The following PPTC7 variants were observed in gnomAD, a reference collection of about 807,000 sequenced individuals.
PPTC7 encodes the protein protein phosphatase PTC7 homolog.
In PPTC7, 6 loss-of-function variants were observed where a neutral mutation model predicts 30.8. That is an observed-to-expected ratio of 0.19 (90% CI 0.11 to 0.38). PPTC7 has a LOEUF of 0.38. Among genes scored for constraint, PPTC7 ranks in the 10% least tolerant of loss-of-function variants. The pLI is 1.00. For synonymous variants in PPTC7, 163 were observed against 168.1 expected (o/e 0.97, Z 0.23); for missense variants, 218 against 404.8 (o/e 0.54, Z 3.96).
chr12:110,579,042 G>C (rs912816611), intron 1 of PPTC7, among the ~76,000 whole-genome samples: 1 of 152,080 alleles, frequency 6.6e-6, no homozygotes, highest in Non-Finnish European at 1.5e-5. Context: ...CCAGCTACTC[G>C]GAAGGCTGAG....
At chr12:110,540,589 T>C (rs1382503531) in intron 3 of PPTC7, among the ~76,000 whole-genome samples, 2 of 151,838 alleles carry the variant, frequency 1.3e-5, no homozygotes, top group East Asian at 3.9e-4. Flanking sequence ...TGACCTCAGG[T>C]GATCCGCCTG....
chr12:110,551,557 G>A (rs1483339312), intron 2 of PPTC7, among the ~76,000 whole-genome samples: 1 of 152,102 alleles, frequency 6.6e-6, no homozygotes, highest in East Asian at 1.9e-4. Context: ...ATGTTGGTCA[G>A]GCTGGTCTCG....
At position 110,536,078 on chromosome 12, in the gene PPTC7, A is replaced by G. The variant is rs999374201; in HGVS notation, c.*959T>C. 1 of 152,246 alleles carries G rather than the reference A, an allele frequency of 6.6e-6. No homozygotes were observed. Among genetic ancestry groups the G allele is most frequent in the Non-Finnish European group, 1.5e-5 (1 of 68,058 alleles). 9.4% of individuals were successfully genotyped at this position (152,246 alleles called of 1,614,324 possible). ...TAATAAAAGGTCTGAGAGTACGAGT[A>G]TGGGTAGGTAGCATGACCACTGAAA... On this transcript the variant is annotated 3_prime_UTR_variant, in exon 6 of 6. Transcript: ENST00000354300.
chr12:110,566,295 A>G (rs2064482543), intron 1 of PPTC7, among the ~76,000 whole-genome samples: 1 of 152,240 alleles, frequency 6.6e-6, no homozygotes, highest in African/African-American at 2.4e-5. Flanking sequence ...ATAACTAAGT[A>G]GAAGTCACAA....
At chr12:110,567,910 C>T (rs1281335201) in intron 1 of PPTC7, among the ~76,000 whole-genome samples, 2 of 152,138 alleles carry the variant, frequency 1.3e-5, no homozygotes, top group African/African-American at 2.4e-5. Context: ...GAATTCTGAA[C>T]ACCTTTTAAA....
chr12:110,573,929 C>T (rs960271507), intron 1 of PPTC7, among the ~76,000 whole-genome samples: 2 of 151,338 alleles, frequency 1.3e-5, no homozygotes, highest in Non-Finnish European at 2.9e-5. Flanking sequence ...TACGGTGAGC[C>T]GAGATTGTGC....
At chr12:110,544,391 T>G (rs2064288816) in intron 3 of PPTC7, among the ~76,000 whole-genome samples, 1 of 152,250 alleles carries the variant, frequency 6.6e-6, no homozygotes, top group African/African-American at 2.4e-5. Flanking sequence ...AAAAGGTTCA[T>G]TGTCCATTAA....
At chr12:110,553,616 T>C (rs2064365146) in intron 1 of PPTC7, among the ~76,000 whole-genome samples, 1 of 151,776 alleles carries the variant, frequency 6.6e-6, no homozygotes. Context: ...CTGACTCTAC[T>C]AAAAATAAAA....
chr12:110,539,105 G>A (rs575627328), intron 4 of PPTC7, among the ~76,000 whole-genome samples: 6 of 152,272 alleles, frequency 3.9e-5, no homozygotes, highest in South Asian at 2.1e-4. Flanking sequence ...CAGACAAGGC[G>A]TGGCGCTAAG....
intron 2 of PPTC7, 78 bp from the exon 3 acceptor site, chr12:110,546,156 A>G: frequency 9.0e-7 from 1 of 1,112,106 alleles, no homozygotes; most frequent in Non-Finnish European, 1.3e-6. Context: ...ATGACCCCAC[A>G]GAGCAACACA....
chr12:110,577,719 T>TAACG (rs66869563), intron 1 of PPTC7, among the ~76,000 whole-genome samples: 1 of 6,280 alleles, frequency 1.6e-4, no homozygotes, highest in Non-Finnish European at 3.2e-4. Context: ...GTTTCAAGTT[T>TAACG]AAGCTTAAAT....
intron 4 of PPTC7, 79 bp downstream of exon 4, chr12:110,539,743 G>A: frequency 7.7e-7 from 1 of 1,305,620 alleles, no homozygotes; most frequent in South Asian, 1.4e-5. Context: ...ACTACAAAGA[G>A]ATAATGCAAC....
chr12:110,542,990 G>A (rs2064274661), intron 3 of PPTC7, among the ~76,000 whole-genome samples: 1 of 152,204 alleles, frequency 6.6e-6, no homozygotes, highest in South Asian at 2.1e-4. Flanking sequence ...CCTCCCTGGG[G>A]AGGGAAAGGT....
chr12:110,550,311 A>C (rs151010325), intron 2 of PPTC7, among the ~76,000 whole-genome samples: 8 of 148,776 alleles, frequency 5.4e-5, no homozygotes, highest in African/African-American at 1.7e-4. Context: ...GCTCACTGCA[A>C]GCTCCGCCTC....
intron 1 of PPTC7, among the ~76,000 whole-genome samples, chr12:110,582,533 T>C (rs1444085458): frequency 1.3e-5 from 2 of 152,202 alleles, no homozygotes; most frequent in Non-Finnish European, 2.9e-5. Context: ...AGTGTGGCTC[T>C]GGACTCGGAC....
intron 1 of PPTC7, 133 bp downstream of exon 1, chr12:110,582,676 G>A (rs2064648458): frequency 1.4e-6 from 1 of 737,634 alleles, no homozygotes; most frequent in Non-Finnish European, 2.1e-6. Flanking sequence ...GGCGCCTGGC[G>A]CATAGTAAGC....
chr12:110,573,117 T>C (rs932044034), intron 1 of PPTC7, among the ~76,000 whole-genome samples: 9 of 152,186 alleles, frequency 5.9e-5, no homozygotes, highest in African/African-American at 1.9e-4. Flanking sequence ...TGACCTCAAG[T>C]GATCCACCTA....
intron 3 of PPTC7, 146 bp from the exon 4 acceptor site, chr12:110,540,091 C>T: frequency 1.5e-6 from 1 of 663,846 alleles, no homozygotes; most frequent in Non-Finnish European, 2.2e-6. Flanking sequence ...TAAAAAAAGT[C>T]ATTCTGAAAT....
chr12:110,582,798 CG>C lies in PPTC7; in HGVS notation c.223+10del. On this transcript the variant is annotated intron_variant, in intron 1 of 5. Transcript: ENST00000354300. The stretch of plus-strand genomic sequence containing the variant: ...CGAGGCTGGGGCAAGGGAACCGGGT[CG>C]GGGACTCACCGAGCACGTCCGCGGA... The C allele has an allele frequency of 1.3e-6, 2 of 1,549,936 alleles. No homozygotes were observed. Among genetic ancestry groups the C allele is most frequent in the South Asian group, 2.4e-5 (2 of 83,896 alleles).
Sources: allele counts gnomAD v4.1 joint callset (sites outside exome capture counted in the v4.1 genomes callset), GRCh38; gene constraint gnomAD v4.1.1; transcripts MANE v1.5; gene names NCBI Gene and HGNC (gene_info 2026-07-23, HGNC 2026-07-21).